RCBTB2: variants seen among roughly 807,000 people sequenced by gnomAD.
The protein encoded by RCBTB2 is RCC1 and BTB domain-containing protein 2.
In RCBTB2, 55 loss-of-function variants were observed where a neutral mutation model predicts 65.4. The ratio of observed to expected loss-of-function variants is 0.84; its 90% CI spans 0.68 to 1.05. RCBTB2 has a LOEUF of 1.05. Ranked by LOEUF, RCBTB2 falls within the 50% of genes least tolerant of loss-of-function variation. RCBTB2 has a pLI of 0.00. For missense variants in RCBTB2, 599 were observed against 680.1 expected (o/e 0.88, Z 1.33); for synonymous variants, 220 against 255.2 (o/e 0.86, Z 1.31).
At chr13:48,507,026 T>C (rs189663470) in intron 10 of RCBTB2, among the ~76,000 whole-genome samples, 31 of 152,336 alleles carry the variant, frequency 2.0e-4, no homozygotes, top group Non-Finnish European at 3.8e-4. Flanking sequence ...CCTCTGCCCC[T>C]AGAGCAGCTG....
Position 48,515,712 on chromosome 13 carries a change from C to T in RCBTB2, c.72G>A (p.Lys24=), listed in dbSNP as rs200765786. 2.2e-5 allele frequency: 36 copies of T among 1,612,498 alleles called. No homozygotes were observed. The highest frequency in any genetic ancestry group is 2.9e-5 in the Non-Finnish European group (34 of 1,179,630). Residue 24 remains lysine (K), a synonymous_variant, in exon 5 of 15, where the codon AAG becomes AAA. Coordinates refer to ENST00000344532, the MANE Select transcript of RCBTB2 (RefSeq NM_001268.4). ...KPVQATLSSL[K]MLDVGKWPIF... Reference sequence around the variant, plus strand: ...TTGGCCACTTTCCCACATCTAACATCTTCAAAGATGACAGAGTAGCCTGTA... The same window carrying T: ...TTGGCCACTTTCCCACATCTAACATTTTCAAAGATGACAGAGTAGCCTGTA...
chr13:48,498,250 A>G (rs1950065040), intron 13 of RCBTB2, among the ~76,000 whole-genome samples: 1 of 152,240 alleles, frequency 6.6e-6, no homozygotes, highest in Non-Finnish European at 1.5e-5. Flanking sequence ...AATGTCAACT[A>G]AAATTGAAAC....
At chr13:48,493,315 A>ACTCTCTCTCTCTCTCTCT (rs3085593) in intron 14 of RCBTB2, among the ~76,000 whole-genome samples, 9 of 75,014 alleles carry the variant, frequency 1.2e-4, no homozygotes, top group Non-Finnish European at 2.0e-4. Flanking sequence ...ACACACACAC[A>ACTCTCTCTCTCTCTCTCT]CTCTCTCTCT....
At chr13:48,521,801 T>A in intron 4 of RCBTB2, 97 bp downstream of exon 4, 1 of 1,064,544 alleles carries the variant, frequency 9.4e-7, no homozygotes, top group Non-Finnish European at 1.4e-6. Flanking sequence ...ATAGATAGTA[T>A]CTCATTGATT....
At chr13:48,500,151 G>A (rs1210558445) in intron 12 of RCBTB2, among the ~76,000 whole-genome samples, 1 of 152,194 alleles carries the variant, frequency 6.6e-6, no homozygotes, top group Non-Finnish European at 1.5e-5. Flanking sequence ...AGTCCTAATG[G>A]CCAATACCTC....
At chr13:48,512,498 C>A (rs928386299) in intron 7 of RCBTB2, among the ~76,000 whole-genome samples, 2 of 152,170 alleles carry the variant, frequency 1.3e-5, no homozygotes, top group African/African-American at 4.8e-5. Flanking sequence ...TTTACTACAG[C>A]AACAGAGAAG....
At chr13:48,530,926 T>C (rs912360404) in intron 1 of RCBTB2, among the ~76,000 whole-genome samples, 8 of 152,124 alleles carry the variant, frequency 5.3e-5, no homozygotes, top group Non-Finnish European at 1.2e-4. Flanking sequence ...ATAAAGAACG[T>C]TTTCTCCCAG....
intron 14 of RCBTB2, among the ~76,000 whole-genome samples, chr13:48,493,904 C>T (rs982383854): frequency 9.2e-5 from 14 of 152,068 alleles, no homozygotes; most frequent in African/African-American, 2.7e-4. Flanking sequence ...TACCCCAGTG[C>T]GTAGGGCAGT....
chr13:48,500,269 G>A (rs1168253693), intron 12 of RCBTB2, among the ~76,000 whole-genome samples: 2 of 152,138 alleles, frequency 1.3e-5, no homozygotes, highest in African/African-American at 4.8e-5. Context: ...TATAAAAAGG[G>A]GAAATTTGGA....
chr13:48,491,446 A>C (rs1243498670), intron 14 of RCBTB2, among the ~76,000 whole-genome samples: 1 of 152,224 alleles, frequency 6.6e-6, no homozygotes, highest in Non-Finnish European at 1.5e-5. Flanking sequence ...GAAAATTCAC[A>C]CACCCACTTG....
chr13:48,534,646 C>T (rs1952333758), upstream of RCBTB2, among the ~76,000 whole-genome samples: 1 of 152,236 alleles, frequency 6.6e-6, no homozygotes, highest in Middle Eastern at 3.4e-3. Flanking sequence ...TAAAATATAC[C>T]TATAAAAGAA....
intron 10 of RCBTB2, among the ~76,000 whole-genome samples, chr13:48,505,930 T>C (rs9332030): frequency 1.2e-4 from 19 of 152,344 alleles, no homozygotes; most frequent in East Asian, 5.8e-4. Context: ...GTGATTTAGC[T>C]GAGGAACTCA....
At chr13:48,495,935 T>C (rs980594627) in intron 14 of RCBTB2, among the ~76,000 whole-genome samples, 2 of 152,250 alleles carry the variant, frequency 1.3e-5, no homozygotes, top group East Asian at 1.9e-4. Context: ...AGTTTCTCTA[T>C]GGTATTTTTA....
chr13:48,530,407 A>G (rs553297002), intron 1 of RCBTB2, among the ~76,000 whole-genome samples: 2 of 152,370 alleles, frequency 1.3e-5, no homozygotes, highest in South Asian at 4.1e-4. Flanking sequence ...ATGTAAGTAA[A>G]GGACATGAGG....
intron 1 of RCBTB2, among the ~76,000 whole-genome samples, chr13:48,529,982 C>G (rs1952016595): frequency 6.6e-6 from 1 of 152,140 alleles, no homozygotes; most frequent in Non-Finnish European, 1.5e-5. Flanking sequence ...CCTCAACCTT[C>G]CCGGCTCCAG....
At chr13:48,525,092 T>C (rs1332026025) in intron 1 of RCBTB2, among the ~76,000 whole-genome samples, 1 of 151,266 alleles carries the variant, frequency 6.6e-6, no homozygotes, top group Non-Finnish European at 1.5e-5. Context: ...TGTGGAAATG[T>C]AAAAAAAAGC....
chr13:48,493,309 ACACACACT>A (rs1949803042), intron 14 of RCBTB2, among the ~76,000 whole-genome samples: 1 of 47,924 alleles, frequency 2.1e-5, no homozygotes, highest in African/African-American at 5.7e-5. Context: ...ACACACACAC[ACACACACT>A]CTCTCTCTCT....
intron 1 of RCBTB2, among the ~76,000 whole-genome samples, chr13:48,527,337 G>GATATATATATATAT (rs1174299074): frequency 8.9e-6 from 1 of 112,198 alleles, no homozygotes; most frequent in African/African-American, 6.5e-5. Context: ...ATATATATAT[G>GATATATATATATAT]ATATATATAT....
intron 4 of RCBTB2, 84 bp downstream of exon 4, chr13:48,521,814 C>T: frequency 8.0e-7 from 1 of 1,246,704 alleles, no homozygotes; most frequent in Non-Finnish European, 1.2e-6. Context: ...CATTGATTTT[C>T]CTATCGGTGA....
Sources: gnomAD v4.1 joint callset for allele counts (sites outside exome capture counted in the v4.1 genomes callset) on GRCh38, gnomAD v4.1.1 for gene constraint, MANE v1.5 for transcripts, NCBI Gene and HGNC (gene_info 2026-07-23, HGNC 2026-07-21) for gene names.